Variants in MARCHF1 observed in about 807,000 individuals in gnomAD.
The protein encoded by MARCHF1 is membrane associated ring-CH-type finger 1.
Under a neutral mutation model 54.2 loss-of-function variants are expected in MARCHF1, and 40 were observed. That is an observed-to-expected ratio of 0.74 (90% CI 0.57 to 0.96). MARCHF1 has a LOEUF of 0.96. MARCHF1 is among the 40% of genes least tolerant of loss of function. The probability of loss-of-function intolerance (pLI) is 0.00; values close to 1 mark genes in which losing one functional copy is unlikely to be tolerated. For synonymous variants in MARCHF1, 236 were observed against 236.3 expected, an observed-to-expected ratio of 1.00 and a Z score of 0.01; for missense variants, 586 against 656.5, an observed-to-expected ratio of 0.89 and a Z score of 1.17.
At chr4:163,876,685 T>A (rs1237550221) in intron 3 of MARCHF1, among the ~76,000 whole-genome samples, 1 of 152,126 alleles carries the variant, frequency 6.6e-6, no homozygotes, top group Non-Finnish European at 1.5e-5. Flanking sequence ...ATAGATGGTA[T>A]TGCCAAAATA....
At chr4:163,765,776 T>C (rs1413727836) in intron 4 of MARCHF1, among the ~76,000 whole-genome samples, 1 of 150,906 alleles carries the variant, frequency 6.6e-6, no homozygotes, top group Non-Finnish European at 1.5e-5. Flanking sequence ...AACATATTTA[T>C]GGAATATTTC....
chr4:163,634,650 A>G (rs1360515592), intron 5 of MARCHF1, among the ~76,000 whole-genome samples: 1 of 152,102 alleles, frequency 6.6e-6, no homozygotes, highest in African/African-American at 2.4e-5. Context: ...TAATAATGGG[A>G]GACTTTAACA....
At chr4:164,370,450 C>A (rs917503200) in intron 1 of MARCHF1, among the ~76,000 whole-genome samples, 1 of 152,200 alleles carries the variant, frequency 6.6e-6, no homozygotes, top group Non-Finnish European at 1.5e-5. Flanking sequence ...GGAATTAATT[C>A]CCTTACCATA....
intron 1 of MARCHF1, among the ~76,000 whole-genome samples, chr4:164,179,889 A>T (rs188218196): frequency 6.6e-6 from 1 of 151,160 alleles, no homozygotes; most frequent in Admixed American, 6.6e-5. Context: ...GAATATGTTA[A>T]TAATTTCCAG....
intron 5 of MARCHF1, chr4:163,613,601 G>T: frequency 6.9e-7 from 1 of 1,447,140 alleles, no homozygotes; most frequent in South Asian, 1.6e-5. Flanking sequence ...GAGATGCTGC[G>T]CTATTTTGCT....
chr4:163,566,444 G>A (rs1243557890), intron 8 of MARCHF1, among the ~76,000 whole-genome samples: 1 of 152,224 alleles, frequency 6.6e-6, no homozygotes, highest in African/African-American at 2.4e-5. Flanking sequence ...CAGATAGTAT[G>A]AATCTGCACA....
chr4:164,242,345 G>A (rs1262709439), intron 1 of MARCHF1, among the ~76,000 whole-genome samples: 1 of 146,974 alleles, frequency 6.8e-6, no homozygotes, highest in Non-Finnish European at 1.5e-5. Context: ...GCCTAACTGG[G>A]AGGCAACCCC....
intron 1 of MARCHF1, among the ~76,000 whole-genome samples, chr4:164,319,647 T>A (rs777551423): frequency 6.6e-6 from 1 of 152,178 alleles, no homozygotes; most frequent in African/African-American, 2.4e-5. Flanking sequence ...TTTGAAAGAA[T>A]TACTTTTCCT....
intron 8 of MARCHF1, among the ~76,000 whole-genome samples, chr4:163,546,496 T>C (rs1738911783): frequency 6.6e-6 from 1 of 152,220 alleles, no homozygotes; most frequent in Non-Finnish European, 1.5e-5. Flanking sequence ...ACTATCTTCT[T>C]GGATTATCAC....
At chr4:164,074,684 C>G (rs2111099119) in intron 2 of MARCHF1, among the ~76,000 whole-genome samples, 1 of 151,962 alleles carries the variant, frequency 6.6e-6, no homozygotes, top group African/African-American at 2.4e-5. Context: ...AAAAATTTCT[C>G]TGTTATGTTT....
At chr4:163,920,525 G>A (rs1380214214) in intron 3 of MARCHF1, among the ~76,000 whole-genome samples, 2 of 152,118 alleles carry the variant, frequency 1.3e-5, no homozygotes, top group South Asian at 2.1e-4. Context: ...GAAGAATGAG[G>A]TTATGCCCTA....
At chr4:163,661,801 A>T (rs1252023855) in intron 5 of MARCHF1, among the ~76,000 whole-genome samples, 1 of 151,910 alleles carries the variant, frequency 6.6e-6, no homozygotes, top group Non-Finnish European at 1.5e-5. Context: ...GCAACTGCTG[A>T]TTTCTTCCTG....
chr4:164,330,046 T>C (rs1735389602), intron 1 of MARCHF1: 1 of 152,176 alleles, frequency 6.6e-6, no homozygotes, highest in Non-Finnish European at 1.5e-5. Context: ...TCCTCTTTTG[T>C]TCCAGTATGT....
chr4:164,161,048 A>G (rs1384496338), intron 1 of MARCHF1, among the ~76,000 whole-genome samples: 1 of 152,136 alleles, frequency 6.6e-6, no homozygotes, highest in East Asian at 1.9e-4. Context: ...TTACCAATTG[A>G]TATAGTTTGG....
At chr4:163,854,247 A>T (rs1749710691) in intron 3 of MARCHF1, 78 bp from the exon 4 acceptor site, 1 of 1,120,010 alleles carries the variant, frequency 8.9e-7, no homozygotes, top group African/African-American at 1.6e-5. Flanking sequence ...TCAAAATTAA[A>T]TCAACAATAT....
At chr4:163,646,314 G>A (rs78143532) in intron 5 of MARCHF1, among the ~76,000 whole-genome samples, 2,047 of 152,184 alleles carry the variant, frequency 0.013, 43 homozygotes, top group African/African-American at 0.047. Flanking sequence ...AAATGAAGGA[G>A]AGGTAAAGAC....
chr4:164,149,261 CTCAG>C (rs1729863631), intron 1 of MARCHF1, among the ~76,000 whole-genome samples: 1 of 152,140 alleles, frequency 6.6e-6, no homozygotes, highest in South Asian at 2.1e-4. Context: ...CTTTGGGTTA[CTCAG>C]TCAGTCATTC....
intron 4 of MARCHF1, among the ~76,000 whole-genome samples, chr4:163,790,203 A>G (rs1017071783): frequency 6.6e-6 from 1 of 152,126 alleles, no homozygotes; most frequent in Admixed American, 6.6e-5. Flanking sequence ...AGAACATTTA[A>G]AAAGAACTAT....
chr4:164,062,576 G>A (rs1465428230), intron 2 of MARCHF1, among the ~76,000 whole-genome samples: 1 of 152,070 alleles, frequency 6.6e-6, no homozygotes, highest in Non-Finnish European at 1.5e-5. Flanking sequence ...CCAGGCTGGA[G>A]TGCAGTGGCG....
Sources: gnomAD v4.1 joint callset for allele counts (sites outside exome capture counted in the v4.1 genomes callset) on GRCh38, gnomAD v4.1.1 for gene constraint, MANE v1.5 for transcripts, NCBI Gene and HGNC (gene_info 2026-07-23, HGNC 2026-07-21) for gene names.